Variants in PCDH11X observed in about 807,000 individuals in gnomAD.
PCDH11X encodes protocadherin 11 X-linked, also known as protocadherin-11 X-linked.
In PCDH11X, 18 loss-of-function variants were observed where a neutral mutation model predicts 53.3. The ratio of observed to expected loss-of-function variants is 0.34; its 90% CI spans 0.23 to 0.50. The LOEUF (loss-of-function observed/expected upper bound fraction) is 0.50, where lower values mean the gene tolerates loss of function less well. PCDH11X is among the 20% of genes least tolerant of loss of function. The pLI, the probability that PCDH11X is intolerant of heterozygous loss-of-function variation, is 0.98. For missense variants in PCDH11X, 570 were observed against 1,032.4 expected, an observed-to-expected ratio of 0.55 and a Z score of 6.14; for synonymous variants, 279 against 393.3, an observed-to-expected ratio of 0.71 and a Z score of 3.44.
chrX:92,437,449 T>C (rs2072410129), intron 9 of PCDH11X, among the ~76,000 whole-genome samples: 2 of 111,518 alleles, frequency 1.8e-5, no homozygotes, highest in Non-Finnish European at 3.8e-5. Flanking sequence ...GAAGGATAAA[T>C]TACCTTACTT....
At chrX:92,379,623 G>T (rs1447355856) in intron 8 of PCDH11X, among the ~76,000 whole-genome samples, 12 of 110,393 alleles carry the variant, frequency 1.1e-4, no homozygotes, top group Admixed American at 6.7e-4. Context: ...GGTCAGAGAA[G>T]GCCTGAAGCC....
At chrX:92,554,420 T>G (rs1194499874) in intron 10 of PCDH11X, among the ~76,000 whole-genome samples, 1 of 108,850 alleles carries the variant, frequency 9.2e-6, no homozygotes, top group African/African-American at 3.3e-5. Flanking sequence ...TTTTAAAAAT[T>G]TTATGGGTAC....
intron 6 of PCDH11X, among the ~76,000 whole-genome samples, chrX:91,970,691 C>T (rs1272800045): frequency 8.9e-6 from 1 of 111,777 alleles, no homozygotes; most frequent in Non-Finnish European, 1.9e-5. Flanking sequence ...GCAGCCGCTC[C>T]TAGGCACTGA....
intron 9 of PCDH11X, among the ~76,000 whole-genome samples, chrX:92,424,350 A>T (rs1341678638): frequency 1.0e-5 from 1 of 95,820 alleles, no homozygotes; most frequent in Non-Finnish European, 2.3e-5. Flanking sequence ...TAAATTTTTA[A>T]AGGCTTTCCT....
At chrX:92,294,679 A>G (rs1247853521) in intron 8 of PCDH11X, among the ~76,000 whole-genome samples, 1 of 111,179 alleles carries the variant, frequency 9.0e-6, no homozygotes, top group East Asian at 2.8e-4. Context: ...CTACAAAGAT[A>G]AATTTTCATA....
At chrX:92,598,478 T>A (rs1185108339) in intron 10 of PCDH11X, among the ~76,000 whole-genome samples, 1 of 108,682 alleles carries the variant, frequency 9.2e-6, no homozygotes, top group Non-Finnish European at 1.9e-5. Context: ...ATCAGATAAA[T>A]GCAAATAAAA....
At chrX:92,459,815 G>T (rs1232231436) in intron 9 of PCDH11X, 6 of 1,169,264 alleles carry the variant, frequency 5.1e-6, no homozygotes, top group Non-Finnish European at 6.9e-6. Context: ...TCCGTGTCCC[G>T]CTCCACCAGC....
Position 91,791,943 on chromosome X carries a change from G to T in PCDH11X, c.-379+12259G>T, listed in dbSNP as rs748989043. Among the ~76,000 whole-genome samples the T allele has an allele frequency of 3.2e-3, 325 of 103,096 alleles. 2 individuals are homozygous for T. Among genetic ancestry groups the T allele is most frequent in the African/African-American group, 0.011 (316 of 27,923 alleles). 89.5% of individuals were successfully genotyped at this position (103,096 alleles called of 115,157 possible). A position where few individuals can be genotyped will look rare whatever the true frequency, so the allele number is the denominator to read the frequency against. On this transcript the variant is annotated intron_variant, in intron 1 of 10. Coordinates refer to ENST00000682573, the MANE Select transcript of PCDH11X (RefSeq NM_032968.5). ...GTGGCGCAATCTCGGCTCACTGCAA[G>T]CTCCGCCTCCCGGGTTCACGCCATT...
intron 6 of PCDH11X, among the ~76,000 whole-genome samples, chrX:92,188,912 T>C (rs2066144552): frequency 1.8e-5 from 2 of 111,547 alleles, no homozygotes; most frequent in Non-Finnish European, 3.8e-5. Context: ...ACTTTTACCA[T>C]GATTGTATAT....
chrX:91,971,451 G>C (rs2061958993), intron 6 of PCDH11X, among the ~76,000 whole-genome samples: 1 of 108,616 alleles, frequency 9.2e-6, no homozygotes, highest in African/African-American at 3.4e-5. Flanking sequence ...AACTATATCA[G>C]TTGCATAGAC....
intron 6 of PCDH11X, among the ~76,000 whole-genome samples, chrX:92,111,467 C>T (rs1292031348): frequency 9.6e-6 from 1 of 104,238 alleles, no homozygotes; most frequent in African/African-American, 3.6e-5. Context: ...TAATGCTACT[C>T]GAAGAAAATA....
intron 7 of PCDH11X, among the ~76,000 whole-genome samples, chrX:92,236,072 T>G (rs1204222758): frequency 9.0e-6 from 1 of 111,630 alleles, no homozygotes; most frequent in Non-Finnish European, 1.9e-5. Flanking sequence ...TATTAAGATA[T>G]TTCATTTCTC....
rs759957340 is a variant in PCDH11X at position 92,053,519 on chromosome X, T to C, written c.3034-147856T>C. 2.1e-3 allele frequency among the ~76,000 whole-genome samples: 227 copies of C among 105,885 alleles called. 5 individuals are homozygous for C. The highest frequency in any genetic ancestry group is 0.021 in the Admixed American group (196 of 9,415). 91.9% of individuals were successfully genotyped at this position (105,885 alleles called of 115,157 possible). ...TCAAAACTATCATTTTTTGGGTTACTATGTTTCAAATAAGGAAAATAAAGA... is the reference window on the plus strand; with the variant it reads ...TCAAAACTATCATTTTTTGGGTTACCATGTTTCAAATAAGGAAAATAAAGA... On this transcript the variant is annotated intron_variant, in intron 6 of 10. Coordinates refer to ENST00000682573, the MANE Select transcript of PCDH11X (RefSeq NM_032968.5).
At chrX:92,463,802 C>A (rs1435129164) in intron 9 of PCDH11X, among the ~76,000 whole-genome samples, 2 of 110,283 alleles carry the variant, frequency 1.8e-5, no homozygotes, top group African/African-American at 6.6e-5. Context: ...GAAAATAGAG[C>A]CAATAGCTTG....
At chrX:91,990,727 C>A (rs1286872164) in intron 6 of PCDH11X, among the ~76,000 whole-genome samples, 1 of 103,587 alleles carries the variant, frequency 9.7e-6, no homozygotes, top group Non-Finnish European at 2.0e-5. Context: ...CTACTTACTG[C>A]TAGGTGGGGC....
intron 7 of PCDH11X, among the ~76,000 whole-genome samples, chrX:92,225,456 C>G (rs2066953147): frequency 4.5e-5 from 5 of 110,991 alleles, no homozygotes; most frequent in Admixed American, 3.9e-4. Context: ...TCTAGTTGCT[C>G]ATAGTTTGGT....
intron 8 of PCDH11X, chrX:92,287,956 G>A (rs1428594438): frequency 2.0e-6 from 1 of 511,868 alleles, no homozygotes; most frequent in Non-Finnish European, 3.5e-6. Flanking sequence ...CCTCCTTCTG[G>A]CCATGTGAAG....
intron 7 of PCDH11X, among the ~76,000 whole-genome samples, chrX:92,208,193 TAAAAAAA>T (rs66614821): frequency 9.4e-5 from 8 of 85,312 alleles, no homozygotes; most frequent in African/African-American, 3.0e-4. Flanking sequence ...AGACTCCATC[TAAAAAAA>T]AAAAAAAAAA....
At chrX:92,439,328 A>G (rs2072460655) in intron 9 of PCDH11X, among the ~76,000 whole-genome samples, 1 of 109,548 alleles carries the variant, frequency 9.1e-6, no homozygotes, top group Non-Finnish European at 1.9e-5. Flanking sequence ...TCTCTGTTAT[A>G]CTGAAATGGA....
Sources: gnomAD v4.1 joint callset for allele counts (sites outside exome capture counted in the v4.1 genomes callset) on GRCh38, gnomAD v4.1.1 for gene constraint, MANE v1.5 for transcripts, NCBI Gene and HGNC (gene_info 2026-07-23, HGNC 2026-07-21) for gene names.